The following DPP10 variants were observed in gnomAD, a reference collection of about 807,000 sequenced individuals.
DPP10 encodes dipeptidyl peptidase like 10.
DPP10 carries 33 observed loss-of-function variants against 120.9 expected under a neutral mutation model. That is an observed-to-expected ratio of 0.27 (90% confidence interval 0.21 to 0.37). The LOEUF is 0.37. DPP10 is among the 10% of genes least tolerant of loss of function. The pLI is 1.00. For synonymous variants in DPP10, 337 were observed against 326.1 expected (o/e 1.03, Z -0.36); for missense variants, 816 against 942.8 (o/e 0.87, Z 1.76).
At chr2:115,571,728 T>C (rs1028543268) in intron 5 of DPP10, among the ~76,000 whole-genome samples, 1 of 149,810 alleles carries the variant, frequency 6.7e-6, no homozygotes, top group Non-Finnish European at 1.5e-5. Flanking sequence ...AAAAAATATG[T>C]GCCATTATGG....
At chr2:114,773,447 C>T (rs758287547) in intron 1 of DPP10, among the ~76,000 whole-genome samples, 2 of 136,038 alleles carry the variant, frequency 1.5e-5, no homozygotes, top group Admixed American at 7.5e-5. Context: ...TAAATGAACA[C>T]TCATCACGGA....
chr2:115,481,593 T>C (rs1441114427), intron 3 of DPP10, among the ~76,000 whole-genome samples: 1 of 152,112 alleles, frequency 6.6e-6, no homozygotes, highest in African/African-American at 2.4e-5. Context: ...ATGACCTCCT[T>C]GGTTCCGTCC....
At chr2:114,758,552 C>T (rs1181252018) in intron 1 of DPP10, among the ~76,000 whole-genome samples, 2 of 152,136 alleles carry the variant, frequency 1.3e-5, no homozygotes, top group East Asian at 1.9e-4. Flanking sequence ...TTACTCATGA[C>T]ATTGTAATAG....
At chr2:115,790,368 C>T (rs374920385) in intron 17 of DPP10, among the ~76,000 whole-genome samples, 2 of 152,068 alleles carry the variant, frequency 1.3e-5, no homozygotes, top group Non-Finnish European at 2.9e-5. Context: ...CGTGAGCCAC[C>T]GCGCCCGGCC....
At chr2:115,785,533 G>T (rs1390885694) in intron 17 of DPP10, among the ~76,000 whole-genome samples, 1 of 152,024 alleles carries the variant, frequency 6.6e-6, no homozygotes, top group East Asian at 1.9e-4. Context: ...GGTCTGTTCA[G>T]GGTTTCAATT....
intron 1 of DPP10, chr2:114,461,746 T>A (rs1382326061): frequency 1.0e-6 from 1 of 985,334 alleles, no homozygotes; most frequent in Non-Finnish European, 1.2e-6. Context: ...AATTAAACAG[T>A]CTGGGGCTCA....
intron 1 of DPP10, among the ~76,000 whole-genome samples, chr2:114,804,986 G>A (rs1025949813): frequency 6.6e-6 from 1 of 152,112 alleles, no homozygotes; most frequent in African/African-American, 2.4e-5. Context: ...TGTTGTGGGA[G>A]GGACCCAGGG....
intron 21 of DPP10, among the ~76,000 whole-genome samples, chr2:115,818,009 GATAA>G (rs954778801): frequency 2.8e-4 from 43 of 151,920 alleles, no homozygotes; most frequent in African/African-American, 1.0e-3. Context: ...AAAAAACAAA[GATAA>G]ATAGAGAACA....
chr2:115,143,644 G>A lies in DPP10; in HGVS notation c.61-165595G>A, dbSNP rs144038827. 1.7e-3 allele frequency among the ~76,000 whole-genome samples: 260 copies of A among 152,310 alleles called. 2 individuals are homozygous for A. The highest frequency in any genetic ancestry group is 4.7e-3 in the African/African-American group (197 of 41,574). On this transcript the variant is annotated intron_variant, in intron 1 of 25. Coordinates refer to ENST00000410059, the MANE Select transcript of DPP10 (RefSeq NM_020868.6). ...TATGCCAAATGCACTTTAGAGTCCA[G>A]TGGGCTTGATCTTGCTGAGGATGGC...
At chr2:114,725,522 T>C (rs1701987792) in intron 1 of DPP10, among the ~76,000 whole-genome samples, 1 of 152,234 alleles carries the variant, frequency 6.6e-6, no homozygotes, top group South Asian at 2.1e-4. Context: ...TCTCTTTCAA[T>C]AGCTCCACAT....
chr2:115,314,972 C>T (rs1422745315), intron 2 of DPP10, among the ~76,000 whole-genome samples: 1 of 152,048 alleles, frequency 6.6e-6, no homozygotes, highest in African/African-American at 2.4e-5. Flanking sequence ...TCATAACACA[C>T]CAGTTTAAAG....
At chr2:115,077,116 C>T (rs1707868599) in intron 1 of DPP10, among the ~76,000 whole-genome samples, 1 of 152,152 alleles carries the variant, frequency 6.6e-6, no homozygotes, top group South Asian at 2.1e-4. Flanking sequence ...CACCATCTCC[C>T]TGATTCTTTC....
At chr2:114,898,509 T>TA (rs574072318) in intron 1 of DPP10, among the ~76,000 whole-genome samples, 252 of 140,164 alleles carry the variant, frequency 1.8e-3, no homozygotes, top group East Asian at 1.8e-3. Flanking sequence ...AATAACAAAA[T>TA]AAAAAAAAAA....
At chr2:115,815,064 C>A (rs1575866383) in intron 20 of DPP10, 77 bp downstream of exon 20, 1 of 1,339,206 alleles carries the variant, frequency 7.5e-7, no homozygotes, top group Non-Finnish European at 9.9e-7. Context: ...TATTACTAAC[C>A]CTGACTCAAG....
intron 4 of DPP10, among the ~76,000 whole-genome samples, chr2:115,518,504 G>A (rs1312471910): frequency 1.3e-5 from 2 of 151,890 alleles, no homozygotes; most frequent in East Asian, 3.9e-4. Context: ...GGTAAAAAAA[G>A]TTTTTTTACT....
At chr2:115,145,457 CA>C (rs923579230) in intron 1 of DPP10, among the ~76,000 whole-genome samples, 1 of 152,140 alleles carries the variant, frequency 6.6e-6, no homozygotes, top group African/African-American at 2.4e-5. Flanking sequence ...TAGGATTTAT[CA>C]ATGCATTTTA....
chr2:114,573,232 C>T (rs776430849), intron 1 of DPP10, among the ~76,000 whole-genome samples: 5 of 152,192 alleles, frequency 3.3e-5, no homozygotes, highest in Non-Finnish European at 5.9e-5. Flanking sequence ...AATATTCCCA[C>T]CTTGGCTTTC....
In DPP10 at chr2:115,780,931, A is replaced by G; in HGVS notation, c.1419A>G (p.Glu473=). 6.2e-7 allele frequency: 1 copy of G among 1,605,076 alleles called. No individual in the cohort carries two copies. Among genetic ancestry groups the G allele is most frequent in the Non-Finnish European group, 8.5e-7 (1 of 1,173,964 alleles). The change falls in exon 16 of 26, where the codon GAA becomes GAG. Residue 473 remains glutamate (E), a synonymous_variant. Transcript: ENST00000410059. ...RQCISCNFMK[E]QCTYFDASFS... is the part of the protein sequence containing the mutation. ...GCATTTCATGTAATTTCATGAAAGA[A>G]CAATGTACATATTTTGATGCCAGTT... is the stretch of plus-strand genomic sequence containing the variant.
chr2:115,662,481 C>G (rs925609850), intron 5 of DPP10, among the ~76,000 whole-genome samples: 2 of 150,464 alleles, frequency 1.3e-5, no homozygotes, highest in African/African-American at 4.9e-5. Context: ...AATGGTCATA[C>G]CAATTCACAT....
Sources: allele counts gnomAD v4.1 joint callset (sites outside exome capture counted in the v4.1 genomes callset), GRCh38; gene constraint gnomAD v4.1.1; transcripts MANE v1.5; gene names NCBI Gene and HGNC (gene_info 2026-07-23, HGNC 2026-07-21).